The following AGPS variants were observed in gnomAD, a reference collection of about 807,000 sequenced individuals.
The protein encoded by AGPS is alkylglycerone phosphate synthase.
Under a neutral mutation model 90.7 loss-of-function variants are expected in AGPS, and 26 were observed. That is an observed-to-expected ratio of 0.29 (90% CI 0.21 to 0.40). AGPS has a LOEUF of 0.40. AGPS is among the 10% of genes least tolerant of loss of function. The pLI is 1.00. For synonymous variants in AGPS, 294 were observed against 285.3 expected (o/e 1.03, Z -0.31); for missense variants, 540 against 816.1 (o/e 0.66, Z 4.12).
Position 177,542,312 on chromosome 2 carries a change from G to C in AGPS, c.*4117G>C, listed in dbSNP as rs2079244492. On this transcript the variant is annotated 3_prime_UTR_variant, in exon 20 of 20. Coordinates refer to ENST00000264167, the MANE Select transcript of AGPS (RefSeq NM_003659.4). ...TAAAATCAATGCTGTATTCCCAGGA[G>C]GCTTTGAGACTCCTATGAACCTGAA... The C allele has an allele frequency of 6.6e-6, 1 of 152,026 alleles. No homozygotes were observed. The highest frequency in any genetic ancestry group is 1.5e-5 in the Non-Finnish European group (1 of 67,990). The allele number at this position is 152,026 out of a possible 1,614,324, so 9.4% of individuals were successfully genotyped here.
At chr2:177,487,118 A>G (rs571510633) in intron 11 of AGPS, among the ~76,000 whole-genome samples, 6 of 152,194 alleles carry the variant, frequency 3.9e-5, no homozygotes, top group Non-Finnish European at 7.4e-5. Flanking sequence ...GTTTGGAAAT[A>G]ACGATGTCTT....
At chr2:177,422,605 C>T (rs1685972038) in intron 2 of AGPS, among the ~76,000 whole-genome samples, 1 of 152,130 alleles carries the variant, frequency 6.6e-6, no homozygotes. Flanking sequence ...TGCCTTCCTT[C>T]AAGACTTACA....
At chr2:177,513,155 C>T (rs904799063) in intron 16 of AGPS, among the ~76,000 whole-genome samples, 15 of 152,036 alleles carry the variant, frequency 9.9e-5, no homozygotes, top group Non-Finnish European at 1.6e-4. Flanking sequence ...AGTGCAGTGG[C>T]GCAACCATGG....
chr2:177,508,452 A>C (rs1273360615), intron 16 of AGPS, among the ~76,000 whole-genome samples: 1 of 152,200 alleles, frequency 6.6e-6, no homozygotes, highest in Non-Finnish European at 1.5e-5. Context: ...ATGTGTAAAA[A>C]TGGGAATTTA....
rs1686424270 is a variant in AGPS, at chr2:177,436,775, TCCTA to T, written c.454_457del (p.Pro152ValfsTer8). 1 of 1,611,480 alleles carries T rather than the reference TCCTA, an allele frequency of 6.2e-7. No individual in the cohort carries two copies. The highest frequency in any genetic ancestry group is 1.3e-5 in the African/African-American group (1 of 74,868). On this transcript the variant is annotated frameshift_variant, in exon 4 of 20. Coordinates refer to ENST00000264167, the MANE Select transcript of AGPS (RefSeq NM_003659.4). LOFTEE classifies it high-confidence loss of function. ...ATTTTATTTTCTAGGCATCCTTAAA[TCCTA>T]GTGATACACCTCCTTCTGTTGTAAA... is the stretch of plus-strand genomic sequence containing the variant.
intron 8 of AGPS, among the ~76,000 whole-genome samples, chr2:177,446,786 A>G (rs1029682986): frequency 6.6e-6 from 1 of 152,160 alleles, no homozygotes; most frequent in African/African-American, 2.4e-5. Flanking sequence ...TGAACATGGA[A>G]TTCTAGGATC....
At chr2:177,430,244 G>T (rs1015400129) in intron 2 of AGPS, among the ~76,000 whole-genome samples, 11 of 152,196 alleles carry the variant, frequency 7.2e-5, no homozygotes, top group South Asian at 4.1e-4. Flanking sequence ...TTGTTGCACT[G>T]GCTGGCTGGA....
intron 19 of AGPS, among the ~76,000 whole-genome samples, chr2:177,536,056 G>A (rs910416465): frequency 2.0e-5 from 3 of 152,044 alleles, no homozygotes; most frequent in South Asian, 2.1e-4. Context: ...GTTTTCCAGC[G>A]CTTGGTGAGT....
At chr2:177,514,938 T>G (rs1286540576) in intron 17 of AGPS, among the ~76,000 whole-genome samples, 1 of 151,848 alleles carries the variant, frequency 6.6e-6, no homozygotes, top group East Asian at 1.9e-4. Context: ...CAGAAAGTAC[T>G]AAGTCATCTG....
intron 1 of AGPS, among the ~76,000 whole-genome samples, chr2:177,409,629 G>A (rs144728869): frequency 0.019 from 2,882 of 152,168 alleles, 37 homozygotes; most frequent in Non-Finnish European, 0.027. Flanking sequence ...GCCGACGACC[G>A]CTCTTAACTG....
intron 11 of AGPS, among the ~76,000 whole-genome samples, chr2:177,492,939 C>A (rs1688310350): frequency 6.6e-6 from 1 of 151,974 alleles, no homozygotes; most frequent in Admixed American, 6.5e-5. Context: ...TTATCTATAT[C>A]TGTAGATTTC....
chr2:177,429,976 T>C (rs1366184998), intron 2 of AGPS, among the ~76,000 whole-genome samples: 1 of 152,190 alleles, frequency 6.6e-6, no homozygotes, highest in Non-Finnish European at 1.5e-5. Flanking sequence ...TCTGTCTGTG[T>C]CACCCTGTCT....
At chr2:177,457,072 CA>C (rs1156552647) in intron 8 of AGPS, among the ~76,000 whole-genome samples, 1 of 152,200 alleles carries the variant, frequency 6.6e-6, no homozygotes, top group Non-Finnish European at 1.5e-5. Flanking sequence ...GAAAACTGAA[CA>C]ACCTGCTCTT....
intron 1 of AGPS, among the ~76,000 whole-genome samples, chr2:177,397,446 G>C (rs1383500163): frequency 6.7e-6 from 1 of 148,480 alleles, no homozygotes; most frequent in Non-Finnish European, 1.5e-5. Flanking sequence ...ACACTTTTAC[G>C]TCTTGGTTTT....
intron 13 of AGPS, among the ~76,000 whole-genome samples, chr2:177,499,289 T>G (rs1688490628): frequency 6.6e-6 from 1 of 151,918 alleles, no homozygotes; most frequent in African/African-American, 2.4e-5. Context: ...TCTATCATTC[T>G]GCAGTTTTTT....
chr2:177,445,441 C>T, intron 7 of AGPS, 105 bp from the exon 8 acceptor site: 6 of 984,134 alleles, frequency 6.1e-6, no homozygotes, highest in Non-Finnish European at 9.6e-6. Flanking sequence ...ACCCTTCTTG[C>T]TTAATCACTG....
At chr2:177,455,519 C>G (rs1687087222) in intron 8 of AGPS, among the ~76,000 whole-genome samples, 1 of 151,896 alleles carries the variant, frequency 6.6e-6, no homozygotes, top group South Asian at 2.1e-4. Flanking sequence ...GTCTTGAGCT[C>G]CTGGCATCAA....
At chr2:177,524,467 G>A (rs1421322128) in intron 19 of AGPS, among the ~76,000 whole-genome samples, 3 of 152,152 alleles carry the variant, frequency 2.0e-5, no homozygotes, top group African/African-American at 7.2e-5. Context: ...AATGTTTGAG[G>A]TTATCCACTT....
At chr2:177,424,642 C>G (rs566078909) in intron 2 of AGPS, among the ~76,000 whole-genome samples, 76 of 152,292 alleles carry the variant, frequency 5.0e-4, no homozygotes, top group Admixed American at 1.8e-3. Context: ...ATTTCTGCCT[C>G]TAGATCTTTG....
Sources: gnomAD v4.1 joint callset for allele counts (sites outside exome capture counted in the v4.1 genomes callset) on GRCh38, gnomAD v4.1.1 for gene constraint, MANE v1.5 for transcripts, NCBI Gene and HGNC (gene_info 2026-07-23, HGNC 2026-07-21) for gene names.